The following SLCO6A1 variants were observed in gnomAD, a reference collection of about 807,000 sequenced individuals.
SLCO6A1 encodes cancer/testis antigen 48.
Under a neutral mutation model 72.7 loss-of-function variants are expected in SLCO6A1, and 65 were observed. The ratio of observed to expected loss-of-function variants is 0.89; its 90% CI spans 0.73 to 1.10. The LOEUF (loss-of-function observed/expected upper bound fraction) is 1.10. SLCO6A1 is among the 50% of genes least tolerant of loss of function. The pLI is 0.00. For synonymous variants in SLCO6A1, 314 were observed against 298.2 expected (o/e 1.05, Z -0.55); for missense variants, 874 against 872.6 (o/e 1.00, Z -0.02).
At chr5:102,496,988 C>A (rs1404110052) in intron 1 of SLCO6A1, among the ~76,000 whole-genome samples, 1 of 152,174 alleles carries the variant, frequency 6.6e-6, no homozygotes, top group South Asian at 2.1e-4. Context: ...TTGATAATCT[C>A]AAGACAAACT....
intron 4 of SLCO6A1, among the ~76,000 whole-genome samples, chr5:102,461,908 T>C (rs745752671): frequency 2.6e-5 from 4 of 151,998 alleles, no homozygotes; most frequent in Non-Finnish European, 5.9e-5. Flanking sequence ...ATAAAGGGCA[T>C]CCAAATCAGT....
chr5:102,468,566 T>G (rs755388221), intron 4 of SLCO6A1, among the ~76,000 whole-genome samples: 1 of 152,066 alleles, frequency 6.6e-6, no homozygotes, highest in Non-Finnish European at 1.5e-5. Flanking sequence ...TGAACTAGAC[T>G]TTTTATCATT....
At chr5:102,389,078 T>C (rs1032083805) in intron 11 of SLCO6A1, among the ~76,000 whole-genome samples, 1 of 152,210 alleles carries the variant, frequency 6.6e-6, no homozygotes, top group Non-Finnish European at 1.5e-5. Flanking sequence ...TACATGTTGC[T>C]ATTTAAACGA....
chr5:102,469,219 G>A (rs1453863168), intron 4 of SLCO6A1, among the ~76,000 whole-genome samples: 1 of 152,028 alleles, frequency 6.6e-6, no homozygotes, highest in East Asian at 1.9e-4. Context: ...GCAGCTTGAT[G>A]GGGATGGCAT....
chr5:102,468,802 T>A (rs1447596512), intron 4 of SLCO6A1, among the ~76,000 whole-genome samples: 1 of 152,174 alleles, frequency 6.6e-6, no homozygotes, highest in Non-Finnish European at 1.5e-5. Flanking sequence ...GGTCTTACAT[T>A]TAAGTCTTTA....
At chr5:102,481,657 T>C (rs532810078) in intron 1 of SLCO6A1, among the ~76,000 whole-genome samples, 85 of 152,280 alleles carry the variant, frequency 5.6e-4, no homozygotes, top group African/African-American at 2.0e-3. Context: ...CTTCCTCTCA[T>C]ATTTAAACTT....
intron 6 of SLCO6A1, among the ~76,000 whole-genome samples, chr5:102,449,992 G>T (rs1187706079): frequency 6.6e-6 from 1 of 152,080 alleles, no homozygotes; most frequent in Non-Finnish European, 1.5e-5. Context: ...TCTAGATTTG[G>T]TTCTTTCTTA....
At chr5:102,394,543 G>C (rs1160877217) in intron 10 of SLCO6A1, among the ~76,000 whole-genome samples, 3 of 151,680 alleles carry the variant, frequency 2.0e-5, no homozygotes, top group African/African-American at 4.8e-5. Context: ...ATAATAATAT[G>C]GATAATAAAA....
intron 10 of SLCO6A1, among the ~76,000 whole-genome samples, chr5:102,397,609 T>C (rs533688520): frequency 2.5e-4 from 38 of 152,308 alleles, no homozygotes; most frequent in Admixed American, 2.4e-3. Flanking sequence ...TGAGAGATTC[T>C]TCCTCAACTT....
At chr5:102,395,522 G>A (rs944701094) in intron 10 of SLCO6A1, among the ~76,000 whole-genome samples, 1 of 152,066 alleles carries the variant, frequency 6.6e-6, no homozygotes, top group Non-Finnish European at 1.5e-5. Context: ...TGTCTTTATA[G>A]CAGCATGATT....
chr5:102,434,230 C>G (rs1048468033), intron 7 of SLCO6A1, among the ~76,000 whole-genome samples: 1 of 152,014 alleles, frequency 6.6e-6, no homozygotes, highest in African/African-American at 2.4e-5. Context: ...AGTATTTCCA[C>G]GTAGAGCACA....
chr5:102,498,407 T>G, intron 1 of SLCO6A1, 80 bp downstream of exon 1: 1 of 1,388,152 alleles, frequency 7.2e-7, no homozygotes. Flanking sequence ...CAGGGCGTCC[T>G]CCGCCATACT....
intron 8 of SLCO6A1, among the ~76,000 whole-genome samples, chr5:102,419,312 T>C (rs1043242222): frequency 6.6e-6 from 1 of 152,370 alleles, no homozygotes; most frequent in East Asian, 1.9e-4. Context: ...ACTCTTATTT[T>C]ACTTGTTCAG....
intron 6 of SLCO6A1, among the ~76,000 whole-genome samples, chr5:102,456,224 C>T (rs986175184): frequency 1.3e-5 from 2 of 152,164 alleles, no homozygotes; most frequent in Non-Finnish European, 2.9e-5. Context: ...CTCACCACTC[C>T]TATTCAACAT....
intron 10 of SLCO6A1, 169 bp from the exon 11 acceptor site, chr5:102,391,214 A>G (rs1746739965): frequency 3.3e-6 from 2 of 600,280 alleles, no homozygotes; most frequent in East Asian, 2.9e-5. Context: ...ACAACTCCCC[A>G]TTTCTCCATA....
intron 7 of SLCO6A1, among the ~76,000 whole-genome samples, chr5:102,434,269 CAGAG>C (rs965639638): frequency 7.9e-5 from 12 of 152,174 alleles, no homozygotes; most frequent in African/African-American, 2.9e-4. Flanking sequence ...TTTTGGAAGA[CAGAG>C]AGAGTGTCCC....
At chr5:102,475,355 CTGCA>C in intron 4 of SLCO6A1, among the ~76,000 whole-genome samples, 1 of 152,018 alleles carries the variant, frequency 6.6e-6, no homozygotes, top group African/African-American at 2.4e-5. Flanking sequence ...AAGAAAAATA[CTGCA>C]TGATTCCAGT....
chr5:102,473,692 C>T (rs1222388913), intron 4 of SLCO6A1, among the ~76,000 whole-genome samples: 1 of 151,962 alleles, frequency 6.6e-6, no homozygotes, highest in African/African-American at 2.4e-5. Context: ...TCTCAGATGA[C>T]ATGATCTTAT....
At chr5:102,456,032 A>G (rs952118275) in intron 6 of SLCO6A1, among the ~76,000 whole-genome samples, 1 of 152,236 alleles carries the variant, frequency 6.6e-6, no homozygotes, top group African/African-American at 2.4e-5. Context: ...ATATGCAGAA[A>G]AGGCCTTTGA....
Sources: gnomAD v4.1 joint callset for allele counts (sites outside exome capture counted in the v4.1 genomes callset) on GRCh38, gnomAD v4.1.1 for gene constraint, MANE v1.5 for transcripts, NCBI Gene and HGNC (gene_info 2026-07-23, HGNC 2026-07-21) for gene names.